Variants in CDH12 observed in about 807,000 individuals in gnomAD.
CDH12 encodes the protein cadherin-12.
Under a neutral mutation model 74.1 loss-of-function variants are expected in CDH12, and 41 were observed. The ratio of observed to expected loss-of-function variants is 0.55; its 90% CI spans 0.43 to 0.72. The LOEUF (loss-of-function observed/expected upper bound fraction) is 0.72, where lower values mean the gene tolerates loss of function less well. Among genes scored for constraint, CDH12 ranks in the 30% least tolerant of loss-of-function variants. The pLI, the probability that CDH12 is intolerant of heterozygous loss-of-function variation, is 0.00. For missense variants in CDH12, 945 were observed against 977.2 expected, an observed-to-expected ratio of 0.97 and a Z score of 0.44; for synonymous variants, 399 against 355.0, an observed-to-expected ratio of 1.12 and a Z score of -1.39.
chr5:22,570,628 T>G (rs1039212936), intron 1 of CDH12, among the ~76,000 whole-genome samples: 2 of 152,208 alleles, frequency 1.3e-5, no homozygotes, highest in Admixed American at 1.3e-4. Context: ...AGTTTCCATT[T>G]ATAGAGCTTA....
chr5:22,447,839 AT>A (rs1297308914), intron 2 of CDH12, among the ~76,000 whole-genome samples: 1 of 151,962 alleles, frequency 6.6e-6, no homozygotes, highest in Non-Finnish European at 1.5e-5. Flanking sequence ...AAATAAATCT[AT>A]TTTATTTAAA....
At chr5:22,065,424 G>A in intron 5 of CDH12, among the ~76,000 whole-genome samples, 1 of 152,308 alleles carries the variant, frequency 6.6e-6, no homozygotes, top group East Asian at 1.9e-4. Context: ...TAATATTGCA[G>A]CACGGGGAGT....
chr5:22,125,389 C>T (rs1745792159), intron 4 of CDH12, among the ~76,000 whole-genome samples: 1 of 152,106 alleles, frequency 6.6e-6, no homozygotes, highest in Non-Finnish European at 1.5e-5. Context: ...TGTTAGTTTG[C>T]TGAGAATGAT....
Position 22,846,202 on chromosome 5 carries a change from C to T in CDH12, c.-523+6856G>A, listed in dbSNP as rs113411784. Among the ~76,000 whole-genome samples, 785 of 151,890 alleles carry T rather than the reference C, an allele frequency of 5.2e-3. 10 individuals are homozygous for T. Among genetic ancestry groups the T allele is most frequent in the African/African-American group, 0.018 (741 of 41,402 alleles). On this transcript the variant is annotated intron_variant, in intron 1 of 14. Transcript: ENST00000382254. ...TAGGAAAATGGGTATATTTAGGGTG[C>T]GGTAAAGAGGGGCAGAAATGAAAAG...
At chr5:22,530,682 C>T (rs994062458) in intron 1 of CDH12, among the ~76,000 whole-genome samples, 5 of 151,942 alleles carry the variant, frequency 3.3e-5, no homozygotes, top group African/African-American at 1.2e-4. Flanking sequence ...AGAGTTTTAT[C>T]ATTGGTAACA....
chr5:22,541,568 A>C (rs1442154614), intron 1 of CDH12, among the ~76,000 whole-genome samples: 1 of 152,188 alleles, frequency 6.6e-6, no homozygotes, highest in African/African-American at 2.4e-5. Flanking sequence ...CTCCTAAGTA[A>C]GGTTATTCTT....
intron 4 of CDH12, among the ~76,000 whole-genome samples, chr5:22,122,421 A>T (rs191311220): frequency 1.3e-5 from 2 of 152,222 alleles, no homozygotes; most frequent in East Asian, 3.9e-4. Flanking sequence ...AAAAACAAAC[A>T]AACAAACAAA....
intron 3 of CDH12, among the ~76,000 whole-genome samples, chr5:22,315,787 A>T (rs1217545785): frequency 6.6e-6 from 1 of 152,214 alleles, no homozygotes; most frequent in Admixed American, 6.5e-5. Context: ...GGAACAGGAG[A>T]GTAATAAAAG....
intron 1 of CDH12, among the ~76,000 whole-genome samples, chr5:22,783,824 G>A (rs1747496976): frequency 6.6e-6 from 1 of 152,212 alleles, no homozygotes; most frequent in Non-Finnish European, 1.5e-5. Flanking sequence ...GGGGCTCAAA[G>A]CGTCATGGGA....
At chr5:22,637,515 A>G (rs995448385) in intron 1 of CDH12, among the ~76,000 whole-genome samples, 1 of 152,264 alleles carries the variant, frequency 6.6e-6, no homozygotes, top group Admixed American at 6.5e-5. Flanking sequence ...CTGCATAAGC[A>G]CAGGACAAAA....
intron 3 of CDH12, among the ~76,000 whole-genome samples, chr5:22,371,374 T>G (rs181353655): frequency 1.3e-5 from 2 of 152,256 alleles, no homozygotes; most frequent in East Asian, 3.9e-4. Flanking sequence ...AACACATTTC[T>G]GTAATAGTAC....
intron 4 of CDH12, among the ~76,000 whole-genome samples, chr5:22,150,895 G>A (rs1437499940): frequency 1.3e-5 from 2 of 152,160 alleles, no homozygotes; most frequent in Non-Finnish European, 2.9e-5. Flanking sequence ...TGGCAGAGAA[G>A]GAATTTTAGA....
chr5:21,947,827 A>C (rs974971892), intron 6 of CDH12, among the ~76,000 whole-genome samples: 2 of 152,216 alleles, frequency 1.3e-5, no homozygotes, highest in Non-Finnish European at 2.9e-5. Context: ...AAAAGGTTTC[A>C]TGGGCTGGGC....
At chr5:22,805,053 T>C (rs1204479553) in intron 1 of CDH12, among the ~76,000 whole-genome samples, 1 of 152,184 alleles carries the variant, frequency 6.6e-6, no homozygotes, top group Non-Finnish European at 1.5e-5. Flanking sequence ...GAATGTAAAA[T>C]GCTATAATGA....
chr5:22,014,111 C>G (rs1737459271), intron 5 of CDH12, among the ~76,000 whole-genome samples: 1 of 152,144 alleles, frequency 6.6e-6, no homozygotes, highest in South Asian at 2.1e-4. Context: ...CCTGTAATTT[C>G]AGCTACTTGG....
At chr5:22,442,983 T>G (rs555778369) in intron 2 of CDH12, among the ~76,000 whole-genome samples, 33 of 152,248 alleles carry the variant, frequency 2.2e-4, no homozygotes, top group African/African-American at 7.5e-4. Context: ...TTCCTCAGTC[T>G]GGTAATAGCA....
chr5:22,628,092 A>C (rs1738393086), intron 1 of CDH12, among the ~76,000 whole-genome samples: 1 of 152,164 alleles, frequency 6.6e-6, no homozygotes, highest in Admixed American at 6.5e-5. Flanking sequence ...AGGAGCACCA[A>C]GATTCATAAA....
chr5:22,141,606 C>G (rs1746800055), intron 4 of CDH12: 1 of 152,030 alleles, frequency 6.6e-6, no homozygotes, highest in Non-Finnish European at 1.5e-5. Flanking sequence ...CATGAGAATA[C>G]TGTGAAGCCA....
At chr5:22,111,847 G>A (rs185829334) in intron 4 of CDH12, among the ~76,000 whole-genome samples, 4 of 152,084 alleles carry the variant, frequency 2.6e-5, no homozygotes, top group South Asian at 4.2e-4. Context: ...ATACATACAC[G>A]GGTACTATAA....
Sources: gnomAD v4.1 joint callset for allele counts (sites outside exome capture counted in the v4.1 genomes callset) on GRCh38, gnomAD v4.1.1 for gene constraint, MANE v1.5 for transcripts, NCBI Gene and HGNC (gene_info 2026-07-23, HGNC 2026-07-21) for gene names.